HTR2C: variants seen among roughly 807,000 people sequenced by gnomAD.
HTR2C encodes the protein 5-hydroxytryptamine (serotonin) receptor 2C, G protein-coupled.
In HTR2C, 5 loss-of-function variants were observed where a neutral mutation model predicts 21.0. That is an observed-to-expected ratio of 0.24 (90% CI 0.12 to 0.50). HTR2C has a LOEUF of 0.50. HTR2C is among the 20% of genes least tolerant of loss of function. The probability of loss-of-function intolerance (pLI) is 0.98; values close to 1 mark genes in which losing one functional copy is unlikely to be tolerated. For missense variants in HTR2C, 271 were observed against 371.2 expected, an observed-to-expected ratio of 0.73 and a Z score of 2.22; for synonymous variants, 150 against 145.3, an observed-to-expected ratio of 1.03 and a Z score of -0.23.
At chrX:114,868,360 C>T (rs1379856446) in intron 5 of HTR2C, among the ~76,000 whole-genome samples, 1 of 110,297 alleles carries the variant, frequency 9.1e-6, no homozygotes, top group Non-Finnish European at 1.9e-5. Flanking sequence ...CTTTTTGCTT[C>T]CAGGGTGACT....
At chrX:114,593,074 A>G (rs2147788686) in intron 1 of HTR2C, among the ~76,000 whole-genome samples, 1 of 112,276 alleles carries the variant, frequency 8.9e-6, no homozygotes, top group Admixed American at 9.5e-5. Context: ...TATAAAGCCA[A>G]GAAGCAATGC....
At chrX:114,825,376 A>G (rs1041647924) in intron 4 of HTR2C, among the ~76,000 whole-genome samples, 15 of 111,937 alleles carry the variant, frequency 1.3e-4, no homozygotes, top group African/African-American at 4.2e-4. Flanking sequence ...CTTTTGAAAC[A>G]TGAATTATTT....
At chrX:114,607,202 CAG>C (rs1230489439) in intron 1 of HTR2C, among the ~76,000 whole-genome samples, 1 of 112,082 alleles carries the variant, frequency 8.9e-6, no homozygotes, top group Non-Finnish European at 1.9e-5. Context: ...GTGCAAGTCA[CAG>C]GGGATGCAAT....
chrX:114,770,775 GTTTCT>G (rs1382754904), intron 4 of HTR2C, among the ~76,000 whole-genome samples: 1 of 90,793 alleles, frequency 1.1e-5, no homozygotes, highest in African/African-American at 4.0e-5. Flanking sequence ...ATACTTTCCT[GTTTCT>G]TTTCTCTTTT....
At chrX:114,868,790 A>G (rs1477437790) in intron 5 of HTR2C, among the ~76,000 whole-genome samples, 1 of 111,706 alleles carries the variant, frequency 9.0e-6, no homozygotes, top group Non-Finnish European at 1.9e-5. Flanking sequence ...CCAGCAATAC[A>G]TGAGGGCACC....
intron 3 of HTR2C, among the ~76,000 whole-genome samples, chrX:114,730,665 A>G (rs2069526335): frequency 8.9e-6 from 1 of 111,860 alleles, no homozygotes; most frequent in Non-Finnish European, 1.9e-5. Flanking sequence ...TGGCAACTTA[A>G]TTCCTTCTTA....
intron 4 of HTR2C, among the ~76,000 whole-genome samples, chrX:114,787,997 G>A (rs1409138774): frequency 9.1e-6 from 1 of 110,229 alleles, no homozygotes; most frequent in Non-Finnish European, 1.9e-5. Context: ...GGAATAATGG[G>A]GAAATTAATT....
chrX:114,734,564 T>TAAAAAAAAAAAAAAAAAAAAA (rs61672860), intron 4 of HTR2C, among the ~76,000 whole-genome samples: 12 of 34,296 alleles, frequency 3.5e-4, no homozygotes, highest in African/African-American at 1.0e-3. Context: ...GCCTTACATG[T>TAAAAAAAAAAAAAAAAAAAAA]AAAAAAAAAA....
chrX:114,778,144 A>C (rs1481035828), intron 4 of HTR2C, among the ~76,000 whole-genome samples: 2 of 111,782 alleles, frequency 1.8e-5, no homozygotes, highest in East Asian at 5.7e-4. Context: ...GTCAATAAAC[A>C]TAAAATACCA....
chrX:114,594,540 A>G (rs1304826022), intron 1 of HTR2C, among the ~76,000 whole-genome samples: 1 of 111,921 alleles, frequency 8.9e-6, no homozygotes, highest in Non-Finnish European at 1.9e-5. Context: ...AGTTATTCAT[A>G]TTGTCAACCT....
At chrX:114,735,694 G>T (rs2069583330) in intron 4 of HTR2C, among the ~76,000 whole-genome samples, 1 of 110,409 alleles carries the variant, frequency 9.1e-6, no homozygotes, top group Non-Finnish European at 1.9e-5. Context: ...AGAAAACATG[G>T]GTCTAGGGTC....
intron 1 of HTR2C, among the ~76,000 whole-genome samples, chrX:114,603,553 G>A (rs143645678): frequency 4.8e-5 from 5 of 104,287 alleles, no homozygotes; most frequent in South Asian, 4.6e-4. Context: ...GAGATCATTC[G>A]GACACGATTG....
intron 2 of HTR2C, among the ~76,000 whole-genome samples, chrX:114,663,827 A>T (rs1231560080): frequency 1.8e-5 from 2 of 111,751 alleles, no homozygotes; most frequent in African/African-American, 6.5e-5. Context: ...GAGGAAATAG[A>T]CTAGACTGCG....
intron 5 of HTR2C, among the ~76,000 whole-genome samples, chrX:114,870,236 C>A (rs1024124262): frequency 9.1e-6 from 1 of 110,230 alleles, no homozygotes; most frequent in African/African-American, 3.3e-5. Context: ...TACAGGCATG[C>A]ACCACCACAT....
chrX:114,857,227 T>TA (rs1556471300), intron 5 of HTR2C, among the ~76,000 whole-genome samples: 1 of 111,559 alleles, frequency 9.0e-6, no homozygotes, highest in Non-Finnish European at 1.9e-5. Context: ...ATTGCTTATA[T>TA]ACTTTTCCTG....
chrX:114,768,680 A>C (rs2069969714), intron 4 of HTR2C, among the ~76,000 whole-genome samples: 1 of 111,669 alleles, frequency 9.0e-6, no homozygotes, highest in Non-Finnish European at 1.9e-5. Flanking sequence ...CCAGTGTTTC[A>C]TAAATAAACT....
At chrX:114,802,896 A>C (rs2070364318) in intron 4 of HTR2C, among the ~76,000 whole-genome samples, 1 of 49,098 alleles carries the variant, frequency 2.0e-5, no homozygotes, top group South Asian at 2.2e-3. Flanking sequence ...CCCACCCCAC[A>C]ACAGTCCCCA....
chrX:114,607,093 A>T lies in HTR2C; in HGVS notation c.-146-6722A>T, dbSNP rs183719024. Among the ~76,000 whole-genome samples the T allele has an allele frequency of 9.2e-3, 983 of 106,659 alleles. 51 individuals are homozygous for T. The highest frequency in any genetic ancestry group is 0.035 in the African/African-American group (921 of 26,605). The allele number at this position is 106,659 out of a possible 115,157, so 92.6% of individuals were successfully genotyped here. A position where few individuals can be genotyped will look rare whatever the true frequency, so the allele number is the denominator to read the frequency against. On this transcript the variant is annotated intron_variant, in intron 1 of 5. Transcript: ENST00000276198. ...CACTTAAGGCAAGGACCGGCCATTT[A>T]CACTTCTTTTGTGGTGGAATGTCAT...
rs926175780 is a variant in HTR2C, at chrX:114,841,749, A to C, written c.350-6254A>C. Among the ~76,000 whole-genome samples, 170 of 111,395 alleles carry C rather than the reference A, an allele frequency of 1.5e-3. 2 individuals are homozygous for C. Among genetic ancestry groups the C allele is most frequent in the Non-Finnish European group, 1.2e-3 (66 of 53,123 alleles). ...GAGTGAGACTCCGTCTCAAAAAAAA[A>C]AAAAAATTTTACTTGAAATGTTCTG... On this transcript the variant is annotated intron_variant, in intron 4 of 5. Transcript: ENST00000276198.
Sources: gnomAD v4.1 joint callset for allele counts (sites outside exome capture counted in the v4.1 genomes callset) on GRCh38, gnomAD v4.1.1 for gene constraint, MANE v1.5 for transcripts, NCBI Gene and HGNC (gene_info 2026-07-23, HGNC 2026-07-21) for gene names.